The following CACNA1A variants were observed in gnomAD, a reference collection of about 807,000 sequenced individuals.
The protein encoded by CACNA1A is calcium voltage-gated channel subunit alpha1 A.
Under a neutral mutation model 262.4 loss-of-function variants are expected in CACNA1A, and 57 were observed. That is an observed-to-expected ratio of 0.22 (90% CI 0.18 to 0.27). The LOEUF (loss-of-function observed/expected upper bound fraction) is 0.27, where lower values mean the gene tolerates loss of function less well. Among genes scored for constraint, CACNA1A ranks in the 10% least tolerant of loss-of-function variants. The probability of loss-of-function intolerance (pLI) is 1.00; values close to 1 mark genes in which losing one functional copy is unlikely to be tolerated. For missense variants in CACNA1A, 2,526 were observed against 3,562.8 expected (o/e 0.71, Z 7.41); for synonymous variants, 1,431 against 1,419.3 (o/e 1.01, Z -0.18).
At chr19:13,415,775 T>TAAAAAAAAAAAAAAAAAA (rs1568623943) in intron 3 of CACNA1A, among the ~76,000 whole-genome samples, 2 of 83,782 alleles carry the variant, frequency 2.4e-5, no homozygotes, top group Non-Finnish European at 5.0e-5. Flanking sequence ...AAAAAAAAAG[T>TAAAAAAAAAAAAAAAAAA]AGATGGGGCC....
At chr19:13,209,123 C>T (rs1178621808) in intron 45 of CACNA1A, 114 bp from the exon 46 acceptor site, 6 of 1,449,902 alleles carry the variant, frequency 4.1e-6, no homozygotes, top group African/African-American at 2.8e-5. Flanking sequence ...TCCCCTGAAC[C>T]GAGGCAGGTC....
chr19:13,380,508 G>A (rs1315180894), intron 3 of CACNA1A, among the ~76,000 whole-genome samples: 4 of 150,500 alleles, frequency 2.7e-5, no homozygotes, highest in African/African-American at 7.3e-5. Flanking sequence ...TTAGCTGGGC[G>A]TGGCGGTGGG....
intron 3 of CACNA1A, among the ~76,000 whole-genome samples, chr19:13,443,273 C>T (rs963011253): frequency 1.3e-5 from 2 of 152,094 alleles, no homozygotes; most frequent in Admixed American, 6.6e-5. Context: ...TGTCTTTGAG[C>T]CTCAGTTGCT....
chr19:13,451,266 G>A (rs11879358), intron 3 of CACNA1A: 31,206 of 152,216 alleles, frequency 0.21, 4,452 homozygotes, highest in East Asian at 0.52. Flanking sequence ...CATTGTGAGA[G>A]CCCGGCCAGC....
intron 23 of CACNA1A, among the ~76,000 whole-genome samples, chr19:13,276,408 AC>A (rs1335044446): frequency 6.6e-6 from 1 of 152,104 alleles, no homozygotes; most frequent in Non-Finnish European, 1.5e-5. Context: ...GCCAAAGGGC[AC>A]CTGTGAACAC....
At position 13,281,681 on chromosome 19, in the gene CACNA1A, T is replaced by C. The variant is rs571752283; in HGVS notation, c.3822+1586A>G. Reference sequence around the variant, plus strand: ...CTAGAGGGAAAGAAGGCGGTGGGGGTGGGGGATCGAGGAGGCACATGCCGC... The same window carrying C: ...CTAGAGGGAAAGAAGGCGGTGGGGGCGGGGGATCGAGGAGGCACATGCCGC... On this transcript the variant is annotated intron_variant, in intron 22 of 46. Transcript: ENST00000360228. Among the ~76,000 whole-genome samples, 8 of 146,692 alleles carry C rather than the reference T, an allele frequency of 5.5e-5. No individual in the cohort carries two copies. The South Asian group carries it at 8.7e-4, about 16-fold the overall frequency.
rs749357610 is a variant in CACNA1A, at chr19:13,298,678, C to T, written c.2955G>A (p.Pro985=). 6.8e-7 allele frequency: 1 copy of T among 1,472,338 alleles called. No individual in the cohort carries two copies. Among genetic ancestry groups the T allele is most frequent in the Non-Finnish European group, 9.0e-7 (1 of 1,115,042 alleles). 91.2% of individuals were successfully genotyped at this position (1,472,338 alleles called of 1,614,324 possible). The change falls in exon 19 of 47, where the codon CCG becomes CCA. Residue 985 remains proline (P), a synonymous_variant. Transcript: ENST00000360228. ...CGCCCTCGCCCTCGCCGCCCCGGGC[C>T]GGCCGGCTGCCCTCGCGGTGCCGCG... ...RRARHREGSR[P]ARGGEGEGEG...
intron 10 of CACNA1A, among the ~76,000 whole-genome samples, chr19:13,326,956 T>C (rs1167773149): frequency 1.3e-5 from 2 of 151,768 alleles, no homozygotes; most frequent in Non-Finnish European, 2.9e-5. Flanking sequence ...TGCAGGGGCA[T>C]GCTGTGGCTC....
At chr19:13,495,328 G>A (rs1250211650) in intron 1 of CACNA1A, among the ~76,000 whole-genome samples, 5 of 151,892 alleles carry the variant, frequency 3.3e-5, no homozygotes, top group Non-Finnish European at 5.9e-5. Flanking sequence ...ATGGAGTCTC[G>A]TTCTGTCGCC....
chr19:13,335,646 C>A (rs2058552043), intron 7 of CACNA1A, among the ~76,000 whole-genome samples, 160 bp downstream of exon 7: 1 of 152,220 alleles, frequency 6.6e-6, no homozygotes, highest in Non-Finnish European at 1.5e-5. Context: ...ACAACCTCTG[C>A]ACCTGTGCAT....
At chr19:13,450,202 T>C (rs73925309) in intron 3 of CACNA1A, 2,048 of 151,250 alleles carry the variant, frequency 0.014, 50 homozygotes, top group African/African-American at 0.048. Context: ...CTCCATTACT[T>C]CTCTATCCCC....
Position 13,273,669 on chromosome 19 carries a change from CTCA to C in CACNA1A, c.3989+2178_3989+2180del, listed in dbSNP as rs200357324. ...GCTTGCTAAACCTGTTTTTTTTGTA[CTCA>C]TCACTATTAAAATTATTCAGTAACC... is the stretch of plus-strand genomic sequence containing the variant. On this transcript the variant is annotated intron_variant, in intron 24 of 46. Transcript: ENST00000360228. The C allele has an allele frequency of 7.0e-3, 1,066 of 151,852 alleles. 10 individuals carry two copies. Among genetic ancestry groups the C allele is most frequent in the African/African-American group, 0.025 (1,027 of 41,398 alleles). The allele number at this position is 151,852 out of a possible 1,614,324, so 9.4% of individuals were successfully genotyped here. A position where few individuals can be genotyped will look rare whatever the true frequency, so the allele number is the denominator to read the frequency against.
intron 12 of CACNA1A, among the ~76,000 whole-genome samples, chr19:13,311,452 A>G (rs967797303): frequency 6.6e-6 from 1 of 152,214 alleles, no homozygotes; most frequent in Non-Finnish European, 1.5e-5. Flanking sequence ...TCATTTATGT[A>G]GGGAAGGTTT....
At chr19:13,293,912 C>T (rs577947494) in intron 19 of CACNA1A, among the ~76,000 whole-genome samples, 22 of 152,160 alleles carry the variant, frequency 1.4e-4, no homozygotes, top group African/African-American at 5.1e-4. Context: ...AAGTCCTTGC[C>T]TTTCACAACC....
chr19:13,329,693 G>A (rs535634327), intron 10 of CACNA1A, among the ~76,000 whole-genome samples: 6 of 151,206 alleles, frequency 4.0e-5, no homozygotes, highest in South Asian at 2.1e-4. Context: ...GGCTGGTCTC[G>A]AACTCCCGAC....
chr19:13,346,570 AG>A (rs1343675614), intron 6 of CACNA1A, among the ~76,000 whole-genome samples: 1 of 140,528 alleles, frequency 7.1e-6, no homozygotes, highest in East Asian at 2.1e-4. Flanking sequence ...TCACCAAGGG[AG>A]AGAAGGAGAG....
At chr19:13,467,236 A>G (rs2061262844) in intron 1 of CACNA1A, among the ~76,000 whole-genome samples, 2 of 152,134 alleles carry the variant, frequency 1.3e-5, no homozygotes, top group African/African-American at 4.8e-5. Flanking sequence ...CACCTTCTAA[A>G]TGACACACTA....
rs58540948 is a variant in CACNA1A, at chr19:13,474,816, CAA to C, written c.294-19606_294-19605del. On this transcript the variant is annotated intron_variant, in intron 1 of 46. Transcript: ENST00000360228. ...TGGGCAACAGAGGGAGACTCCGTCT[CAA>C]AAAAAAAAAAAATGCAATGAGTTAA... Among the ~76,000 whole-genome samples, 14 of 126,468 alleles carry C rather than the reference CAA, an allele frequency of 1.1e-4. No individual in the cohort carries two copies. In the East Asian group the frequency reaches 1.5e-3, roughly 13 times the overall value. 83.0% of individuals were successfully genotyped at this position (126,468 alleles called of 152,430 possible). A position where few individuals can be genotyped will look rare whatever the true frequency, so the allele number is the denominator to read the frequency against.
intron 15 of CACNA1A, among the ~76,000 whole-genome samples, chr19:13,305,356 G>A (rs8182538): frequency 0.37 from 55,886 of 152,024 alleles, 10,790 homozygotes; most frequent in Middle Eastern, 0.52. Flanking sequence ...AGGATTAGGT[G>A]TTGACAGACG....
Sources: allele counts gnomAD v4.1 joint callset (sites outside exome capture counted in the v4.1 genomes callset), GRCh38; gene constraint gnomAD v4.1.1; transcripts MANE v1.5; gene names NCBI Gene and HGNC (gene_info 2026-07-23, HGNC 2026-07-21).